The following STARD7 variants were observed in gnomAD, a reference collection of about 807,000 sequenced individuals.
STARD7 encodes StAR related lipid transfer domain containing 7.
A neutral mutation model predicts 45.3 loss-of-function variants in STARD7; 30 were observed. The ratio of observed to expected loss-of-function variants is 0.66; its 90% CI spans 0.50 to 0.90. The LOEUF (loss-of-function observed/expected upper bound fraction) is 0.90, where lower values mean the gene tolerates loss of function less well. STARD7 is among the 40% of genes least tolerant of loss of function. STARD7 has a pLI of 0.00. For missense variants in STARD7, 495 were observed against 491.3 expected (o/e 1.01, Z -0.07); for synonymous variants, 199 against 183.0 (o/e 1.09, Z -0.70).
chr2:96,197,610 C>T (rs897509613), intron 1 of STARD7, among the ~76,000 whole-genome samples: 2 of 152,104 alleles, frequency 1.3e-5, no homozygotes, highest in African/African-American at 4.8e-5. Context: ...AAGATTCATT[C>T]TTTTACAGTG....
rs902163399 is a variant in STARD7, at chr2:96,186,921, G to A, written c.929-7C>T. On this transcript the variant is annotated splice_polypyrimidine_tract_variant and splice_region_variant and intron_variant, in intron 7 of 7. Transcript: ENST00000337288. ...TCCAGGAAATCTGGCATGCCTGTCA[G>A]GAGACGAGAATCAGGTTAAGCTGAC... 4 of 1,610,326 alleles carry A rather than the reference G, an allele frequency of 2.5e-6. No individual in the cohort carries two copies. The highest frequency in any genetic ancestry group is 3.4e-6 in the Non-Finnish European group (4 of 1,178,002).
In STARD7 at chr2:96,185,156, TTC is replaced by T. The variant is rs1163827756; in HGVS notation, c.*1572_*1573del. On this transcript the variant is annotated 3_prime_UTR_variant, in exon 8 of 8. Transcript: ENST00000337288. ...CATAACCCAGGGACTCTTCCCTGAC[TTC>T]TGTCAGGTCCTGGAAAGAAGAAGTA... The T allele has an allele frequency of 6.6e-6, 1 of 152,622 alleles. No homozygotes were observed. The allele number at this position is 152,622 out of a possible 1,614,324, so 9.5% of individuals were successfully genotyped here.
At chr2:96,202,910 G>T (rs899338055) in intron 1 of STARD7, among the ~76,000 whole-genome samples, 7 of 152,152 alleles carry the variant, frequency 4.6e-5, no homozygotes, top group Non-Finnish European at 1.0e-4. Context: ...AAGAATCAAG[G>T]TGGTTCAGAG....
At chr2:96,198,934 A>C (rs1040999654) in intron 1 of STARD7, among the ~76,000 whole-genome samples, 1 of 152,188 alleles carries the variant, frequency 6.6e-6, no homozygotes, top group South Asian at 2.1e-4. Flanking sequence ...TTTGTCGAAA[A>C]GCCTATTCCT....
rs1239415057 is a variant in STARD7 at position 96,208,806 on chromosome 2, C to G, written c.-372G>C. ...CTCAGGCCCAGCAGCACGCAAGCTC[C>G]CGCGCCTTCCGCGACTGCCACACGC... On this transcript the variant is annotated 5_prime_UTR_variant, in exon 1 of 8. Transcript: ENST00000337288. The G allele has an allele frequency of 2.5e-6, 1 of 402,450 alleles. No individual in the cohort carries two copies. Among genetic ancestry groups the G allele is most frequent in the South Asian group, 1.2e-4 (1 of 8,528 alleles). The allele number at this position is 402,450 out of a possible 1,614,324, so 24.9% of individuals were successfully genotyped here.
Position 96,208,449 on chromosome 2 carries a change from G to T in STARD7, c.-15C>A. ...CGCGGGAGCATGCCGCCTCCCGCAG[G>T]GCCCGCCGCGAGCTTCCGGGGCCCA... On this transcript the variant is annotated 5_prime_UTR_variant, in exon 1 of 8. Transcript: ENST00000337288. The T allele has an allele frequency of 7.4e-7, 1 of 1,359,170 alleles. No homozygotes were observed. Among genetic ancestry groups the T allele is most frequent in the Non-Finnish European group, 9.4e-7 (1 of 1,065,826 alleles). The allele number at this position is 1,359,170 out of a possible 1,614,324, so 84.2% of individuals were successfully genotyped here.
chr2:96,192,171 C>T (rs1683134786), intron 6 of STARD7, among the ~76,000 whole-genome samples, 198 bp downstream of exon 6: 1 of 152,226 alleles, frequency 6.6e-6, no homozygotes, highest in South Asian at 2.1e-4. Flanking sequence ...ATTGCCACTA[C>T]TTTGTCCTTG....
At chr2:96,204,203 T>C (rs1005486972) in intron 1 of STARD7, among the ~76,000 whole-genome samples, 3 of 151,864 alleles carry the variant, frequency 2.0e-5, no homozygotes, top group Non-Finnish European at 4.4e-5. Context: ...GAGGCTGCGG[T>C]GAGGTGAGAT....
Position 96,208,311 on chromosome 2 carries a change from CG to C in STARD7, c.123del (p.Ile41MetfsTer35). 6.2e-7 allele frequency: 1 copy of C among 1,607,510 alleles called. No individual in the cohort carries two copies. Among genetic ancestry groups the C allele is most frequent in the Non-Finnish European group, 8.5e-7 (1 of 1,178,474 alleles). ...TGLRVRRAQQ[I>X]AQLYGRLYSE... Reference sequence around the variant, plus strand: ...GAGTAGAGGCGGCCGTAGAGCTGCGCGATCTGCTGCGCGCGCCGCACGCGCA... The same window carrying C: ...GAGTAGAGGCGGCCGTAGAGCTGCGCATCTGCTGCGCGCGCCGCACGCGCA... On this transcript the variant is annotated frameshift_variant, in exon 1 of 8. Transcript: ENST00000337288. LOFTEE classifies it high-confidence loss of function.
At chr2:96,187,118 A>G in intron 7 of STARD7, 99 bp downstream of exon 7, 2 of 987,088 alleles carry the variant, frequency 2.0e-6, no homozygotes, top group Non-Finnish European at 1.5e-6. Flanking sequence ...AAAAAAAAAA[A>G]GAAGAACCAG....
intron 6 of STARD7, among the ~76,000 whole-genome samples, chr2:96,189,546 A>C (rs577256396): frequency 6.6e-6 from 1 of 152,200 alleles, no homozygotes; most frequent in South Asian, 2.1e-4. Flanking sequence ...CTCTAATAAA[A>C]ATACAAAAAT....
chr2:96,206,257 T>C (rs1449910300), intron 1 of STARD7, among the ~76,000 whole-genome samples: 1 of 152,172 alleles, frequency 6.6e-6, no homozygotes, highest in African/African-American at 2.4e-5. Context: ...CCAGGATCTA[T>C]TAATATCATC....
At chr2:96,200,169 G>A (rs770231182) in intron 1 of STARD7, among the ~76,000 whole-genome samples, 17 of 152,128 alleles carry the variant, frequency 1.1e-4, no homozygotes, top group Non-Finnish European at 1.9e-4. Flanking sequence ...AACTCCCCAA[G>A]CTCAGGTGAT....
At chr2:96,193,018 C>T (rs1173651655) in intron 5 of STARD7, 60 bp downstream of exon 5, 39 of 1,223,092 alleles carry the variant, frequency 3.2e-5, no homozygotes, top group Admixed American at 2.7e-4. Context: ...AACTCAGGTA[C>T]GTAGGAATGA....
chr2:96,207,565 T>A (rs1461311499), intron 1 of STARD7, among the ~76,000 whole-genome samples: 1 of 152,180 alleles, frequency 6.6e-6, no homozygotes, highest in African/African-American at 2.4e-5. Context: ...TTCCCAAAGT[T>A]CTAGTTAACG....
At chr2:96,191,865 T>C (rs1034613712) in intron 6 of STARD7, among the ~76,000 whole-genome samples, 1 of 151,984 alleles carries the variant, frequency 6.6e-6, no homozygotes, top group African/African-American at 2.4e-5. Context: ...TCAGTGGAGA[T>C]TTAGCTTAAA....
At chr2:96,191,350 G>T (rs1274545759) in intron 6 of STARD7, among the ~76,000 whole-genome samples, 2 of 151,986 alleles carry the variant, frequency 1.3e-5, no homozygotes. Flanking sequence ...TGGATACAGG[G>T]GGTTCATTAT....
At chr2:96,189,908 T>C (rs772584642) in intron 6 of STARD7, among the ~76,000 whole-genome samples, 3 of 152,098 alleles carry the variant, frequency 2.0e-5, no homozygotes, top group Non-Finnish European at 2.9e-5. Flanking sequence ...AGATAGAAGA[T>C]AGAAATAAAA....
At chr2:96,192,510 A>G in intron 5 of STARD7, 42 bp from the exon 6 acceptor site, 1 of 1,477,540 alleles carries the variant, frequency 6.8e-7, no homozygotes, top group Non-Finnish European at 9.5e-7. Context: ...AGTAATGTCT[A>G]TATATAAAAC....
Sources: allele counts gnomAD v4.1 joint callset (sites outside exome capture counted in the v4.1 genomes callset), GRCh38; gene constraint gnomAD v4.1.1; transcripts MANE v1.5; gene names NCBI Gene and HGNC (gene_info 2026-07-23, HGNC 2026-07-21).